The following CAMKMT variants were observed in gnomAD, a reference collection of about 807,000 sequenced individuals.
CAMKMT encodes calmodulin-lysine N-methyltransferase.
In CAMKMT, 53 loss-of-function variants were observed where a neutral mutation model predicts 48.0. The observed-to-expected ratio is 1.10, with a 90% CI of 0.89 to 1.39. The LOEUF (loss-of-function observed/expected upper bound fraction) is 1.39, where lower values mean the gene tolerates loss of function less well. Among genes scored for constraint, CAMKMT ranks in the 40% most tolerant of loss-of-function variants. CAMKMT has a pLI of 0.00. For synonymous variants in CAMKMT, 165 were observed against 152.3 expected, an observed-to-expected ratio of 1.08 and a Z score of -0.61; for missense variants, 428 against 402.7, an observed-to-expected ratio of 1.06 and a Z score of -0.54.
At chr2:44,550,000 C>T (rs1667620414) in intron 3 of CAMKMT, among the ~76,000 whole-genome samples, 1 of 152,052 alleles carries the variant, frequency 6.6e-6, no homozygotes, top group African/African-American at 2.4e-5. Context: ...GGCAGGGAAT[C>T]GGGAAGGGAA....
At chr2:44,478,972 T>A (rs2104675184) in intron 3 of CAMKMT, among the ~76,000 whole-genome samples, 1 of 152,354 alleles carries the variant, frequency 6.6e-6, no homozygotes, top group East Asian at 1.9e-4. Flanking sequence ...GTGCTGGGAT[T>A]ACAGGCGTGA....
chr2:44,658,503 C>T (rs866911264), intron 3 of CAMKMT, among the ~76,000 whole-genome samples: 1 of 152,078 alleles, frequency 6.6e-6, no homozygotes, highest in Non-Finnish European at 1.5e-5. Flanking sequence ...TTTACAAAAG[C>T]GTGACGTCGC....
At chr2:44,388,593 C>T (rs929288037) in intron 2 of CAMKMT, among the ~76,000 whole-genome samples, 2 of 152,118 alleles carry the variant, frequency 1.3e-5, no homozygotes, top group South Asian at 4.1e-4. Flanking sequence ...TGTTTAGTCA[C>T]ATTAACAGGG....
At chr2:44,647,053 C>G (rs998512105) in intron 3 of CAMKMT, among the ~76,000 whole-genome samples, 1 of 152,164 alleles carries the variant, frequency 6.6e-6, no homozygotes, top group Non-Finnish European at 1.5e-5. Context: ...AATTCCAGCA[C>G]TTTGGGAGGC....
intron 2 of CAMKMT, among the ~76,000 whole-genome samples, chr2:44,377,531 G>A (rs762402754): frequency 1.3e-5 from 2 of 152,078 alleles, no homozygotes; most frequent in Non-Finnish European, 1.5e-5. Context: ...CAGCACAGCA[G>A]GAATTTGCAT....
chr2:44,619,139 A>G (rs1335774183), intron 3 of CAMKMT, among the ~76,000 whole-genome samples: 1 of 152,224 alleles, frequency 6.6e-6, no homozygotes. Flanking sequence ...TAAACGATGG[A>G]AACAGGATAT....
At chr2:44,572,271 TC>T (rs1668948781) in intron 3 of CAMKMT, among the ~76,000 whole-genome samples, 1 of 152,184 alleles carries the variant, frequency 6.6e-6, no homozygotes, top group Admixed American at 6.5e-5. Context: ...GGTCTTAAAC[TC>T]CTGGGCTCAA....
intron 3 of CAMKMT, among the ~76,000 whole-genome samples, chr2:44,447,176 A>G (rs1268954309): frequency 6.6e-6 from 1 of 152,208 alleles, no homozygotes; most frequent in East Asian, 1.9e-4. Context: ...AAGGAAACTG[A>G]GGTTCCTAGT....
At chr2:44,755,633 G>C (rs561881607) in intron 9 of CAMKMT, among the ~76,000 whole-genome samples, 1 of 151,986 alleles carries the variant, frequency 6.6e-6, no homozygotes, top group Admixed American at 6.6e-5. Context: ...TAAATCATTC[G>C]CATGATTTAC....
intron 6 of CAMKMT, among the ~76,000 whole-genome samples, chr2:44,709,641 C>T (rs1677765322): frequency 6.6e-6 from 1 of 151,968 alleles, no homozygotes; most frequent in South Asian, 2.1e-4. Context: ...TTTGCATGCC[C>T]ACTTTCTGTA....
chr2:44,736,976 G>A (rs1372570241), intron 7 of CAMKMT, among the ~76,000 whole-genome samples: 4 of 152,062 alleles, frequency 2.6e-5, no homozygotes, highest in Non-Finnish European at 5.9e-5. Context: ...ATTGAGTTCA[G>A]TTGTTTGATT....
intron 3 of CAMKMT, among the ~76,000 whole-genome samples, chr2:44,418,236 T>C (rs1572825741): frequency 6.6e-6 from 1 of 151,674 alleles, no homozygotes; most frequent in East Asian, 1.9e-4. Context: ...TTATATACTC[T>C]GAAGACAAGT....
Position 44,535,865 on chromosome 2 carries a change from A to T in CAMKMT, c.376+145560A>T, listed in dbSNP as rs111481557. 1.9e-3 allele frequency among the ~76,000 whole-genome samples: 286 copies of T among 152,296 alleles called. 1 individual carries two copies. The Middle Eastern group carries it at 0.027, about 14-fold the overall frequency. On this transcript the variant is annotated intron_variant, in intron 3 of 10. Coordinates refer to ENST00000378494, the MANE Select transcript of CAMKMT (RefSeq NM_024766.5). ...CCTACTTTCACCACTCCTATTCAACATAGGAACAATCAGGCAAGAGGAAGA... is the reference window on the plus strand; with the variant it reads ...CCTACTTTCACCACTCCTATTCAACTTAGGAACAATCAGGCAAGAGGAAGA...
intron 9 of CAMKMT, among the ~76,000 whole-genome samples, chr2:44,760,366 A>T (rs376096226): frequency 1.3e-5 from 2 of 151,858 alleles, no homozygotes; most frequent in African/African-American, 4.8e-5. Context: ...AGGGTTGGGG[A>T]AGGGCAGGAA....
At chr2:44,753,239 C>T (rs1680221165) in intron 8 of CAMKMT, among the ~76,000 whole-genome samples, 1 of 141,406 alleles carries the variant, frequency 7.1e-6, no homozygotes, top group African/African-American at 2.7e-5. Flanking sequence ...AGAGTGAGAC[C>T]CTGTCCCTAC....
chr2:44,621,875 T>A (rs955764504), intron 3 of CAMKMT, among the ~76,000 whole-genome samples: 1 of 152,232 alleles, frequency 6.6e-6, no homozygotes, highest in African/African-American at 2.4e-5. Flanking sequence ...GATAAAAGAC[T>A]ATTGCATTAT....
At chr2:44,739,337 A>G (rs1679536241) in intron 7 of CAMKMT, among the ~76,000 whole-genome samples, 1 of 152,242 alleles carries the variant, frequency 6.6e-6, no homozygotes, top group African/African-American at 2.4e-5. Context: ...TTTCAAAGGT[A>G]GAATGACCTG....
At chr2:44,550,499 G>A (rs1000593004) in intron 3 of CAMKMT, 1 of 152,020 alleles carries the variant, frequency 6.6e-6, no homozygotes, top group Non-Finnish European at 1.5e-5. Context: ...AATAGTAAAG[G>A]AATTAAATCA....
intron 3 of CAMKMT, among the ~76,000 whole-genome samples, chr2:44,522,087 T>C (rs974289067): frequency 7.9e-5 from 12 of 151,808 alleles, no homozygotes; most frequent in African/African-American, 2.4e-4. Context: ...CACTGCAGCC[T>C]GCCCCTCCCA....
Sources: allele counts gnomAD v4.1 joint callset (sites outside exome capture counted in the v4.1 genomes callset), GRCh38; gene constraint gnomAD v4.1.1; transcripts MANE v1.5; gene names NCBI Gene and HGNC (gene_info 2026-07-23, HGNC 2026-07-21).